TASP1: variants seen among roughly 807,000 people sequenced by gnomAD.
TASP1 encodes the protein threonine aspartase 1.
TASP1 carries 16 observed loss-of-function variants against 56.6 expected under a neutral mutation model. That is an observed-to-expected ratio of 0.28 (90% confidence interval 0.19 to 0.43). The LOEUF (loss-of-function observed/expected upper bound fraction) is 0.43. Ranked by LOEUF, TASP1 falls within the 20% of genes least tolerant of loss-of-function variation. The pLI is 1.00. For missense variants in TASP1, 393 were observed against 511.6 expected (o/e 0.77, Z 2.24); for synonymous variants, 179 against 184.2 (o/e 0.97, Z 0.23).
At chr20:13,293,621 G>C in the TASP1 span, among the ~76,000 whole-genome samples, 7 of 152,008 alleles carry the variant, frequency 4.6e-5, no homozygotes, top group East Asian at 5.8e-4. Context: ...AACAAGTCTC[G>C]AATAAAAGGA....
the TASP1 span, among the ~76,000 whole-genome samples, chr20:13,347,632 A>G: frequency 6.6e-6 from 1 of 152,210 alleles, no homozygotes; most frequent in African/African-American, 2.4e-5. Context: ...TGAGGTCAGG[A>G]GTTCGAGACC....
At chr20:13,479,887 G>GT (rs2043077702) in intron 11 of TASP1, among the ~76,000 whole-genome samples, 2 of 152,112 alleles carry the variant, frequency 1.3e-5, no homozygotes, top group South Asian at 4.1e-4. Flanking sequence ...GAAACCATCC[G>GT]TATTTGCCCC....
At chr20:13,210,606 C>G in the TASP1 span, among the ~76,000 whole-genome samples, 1 of 140,090 alleles carries the variant, frequency 7.1e-6, no homozygotes, top group Non-Finnish European at 1.5e-5. Flanking sequence ...TGTGTGTTTA[C>G]ATGTGCACAC....
chr20:13,493,179 C>T (rs2043599909), intron 10 of TASP1, among the ~76,000 whole-genome samples: 1 of 152,116 alleles, frequency 6.6e-6, no homozygotes, highest in South Asian at 2.1e-4. Context: ...AACAAAAAAA[C>T]CTTCAACAAA....
the TASP1 span, among the ~76,000 whole-genome samples, chr20:13,308,112 A>T: frequency 6.6e-6 from 1 of 152,124 alleles, no homozygotes; most frequent in Non-Finnish European, 1.5e-5. Context: ...CCACTCTGTG[A>T]TCTCTTAATT....
chr20:13,329,144 A>G, the TASP1 span, among the ~76,000 whole-genome samples: 4 of 152,160 alleles, frequency 2.6e-5, no homozygotes, highest in Non-Finnish European at 5.9e-5. Flanking sequence ...GCTATTGTTA[A>G]TAATTGAGAT....
In TASP1 at chr20:13,522,599, C is replaced by T. The variant is rs921292622; in HGVS notation, c.874+5834G>A. On this transcript the variant is annotated intron_variant, in intron 10 of 13. Coordinates refer to ENST00000337743, the MANE Select transcript of TASP1 (RefSeq NM_017714.3). Reference sequence around the variant, plus strand: ...TTAGGGTTAGGCAAGAGCTCATATTCGGACATGCTAAATAGATGTCTGTTA... The same window carrying T: ...TTAGGGTTAGGCAAGAGCTCATATTTGGACATGCTAAATAGATGTCTGTTA... 3.6e-4 allele frequency among the ~76,000 whole-genome samples: 55 copies of T among 152,096 alleles called. 2 individuals carry two copies. The highest frequency in any genetic ancestry group is 1.0e-4 in the Non-Finnish European group (7 of 68,014).
the TASP1 span, among the ~76,000 whole-genome samples, chr20:13,316,110 A>G: frequency 1.3e-5 from 2 of 151,992 alleles, no homozygotes; most frequent in East Asian, 1.9e-4. Context: ...GAAAGAGTGG[A>G]TATCACTACA....
intron 11 of TASP1, among the ~76,000 whole-genome samples, chr20:13,482,019 C>T (rs2043156861): frequency 6.6e-6 from 1 of 152,082 alleles, no homozygotes; most frequent in Non-Finnish European, 1.5e-5. Context: ...AGATTTTCCC[C>T]AGTGCTTTCT....
intron 4 of TASP1, among the ~76,000 whole-genome samples, chr20:13,620,772 C>T (rs1478117391): frequency 1.3e-5 from 2 of 152,194 alleles, no homozygotes; most frequent in Admixed American, 6.5e-5. Flanking sequence ...TTTTTCTCAG[C>T]ACTTTTCAGT....
chr20:13,165,154 T>G, the TASP1 span: 1 of 310,702 alleles, frequency 3.2e-6, no homozygotes, highest in East Asian at 6.3e-5. Context: ...AATAAGCCTG[T>G]GTTTTAGCTG....
the TASP1 span, among the ~76,000 whole-genome samples, chr20:13,180,633 A>C: frequency 6.6e-6 from 1 of 152,172 alleles, no homozygotes; most frequent in Non-Finnish European, 1.5e-5. Flanking sequence ...AAAGATGAGG[A>C]AGTAGACTAA....
chr20:13,170,095 T>A, the TASP1 span, among the ~76,000 whole-genome samples: 1 of 152,188 alleles, frequency 6.6e-6, no homozygotes, highest in East Asian at 1.9e-4. Flanking sequence ...AATAAAGCAA[T>A]CATTTTTAGA....
At chr20:13,368,960 T>C in the TASP1 span, among the ~76,000 whole-genome samples, 74,021 of 152,060 alleles carry the variant, frequency 0.49, 19,706 homozygotes, top group Non-Finnish European at 0.6. Flanking sequence ...TACTACAATT[T>C]TTAAAATTTT....
the TASP1 span, among the ~76,000 whole-genome samples, chr20:13,149,168 T>C: frequency 6.6e-6 from 1 of 152,220 alleles, no homozygotes; most frequent in East Asian, 1.9e-4. Context: ...TTTCATTCAC[T>C]TATTTATGTG....
At chr20:13,262,497 C>A in the TASP1 span, among the ~76,000 whole-genome samples, 2 of 147,848 alleles carry the variant, frequency 1.4e-5, no homozygotes, top group Non-Finnish European at 3.0e-5. Flanking sequence ...ACTTTCCACT[C>A]GTGTACTCTG....
the TASP1 span, among the ~76,000 whole-genome samples, chr20:13,378,798 T>C: frequency 2.4e-3 from 370 of 152,350 alleles, 1 homozygote; most frequent in African/African-American, 8.7e-3. Flanking sequence ...TAGCTCTTCT[T>C]GTTGCATTGA....
At position 13,453,174 on chromosome 20, in the gene TASP1, T is replaced by C. The variant is rs534139407; in HGVS notation, c.986-18020A>G. Reference sequence around the variant, plus strand: ...GAAACAACATGAAAAGAAAATCAAATGGACTAAAATGGAAACATCAGAGAG... The same window carrying C: ...GAAACAACATGAAAAGAAAATCAAACGGACTAAAATGGAAACATCAGAGAG... On this transcript the variant is annotated intron_variant, in intron 11 of 13. Coordinates refer to ENST00000337743, the MANE Select transcript of TASP1 (RefSeq NM_017714.3). 1.1e-4 allele frequency among the ~76,000 whole-genome samples: 16 copies of C among 151,810 alleles called. No individual in the cohort carries two copies. The South Asian group carries it at 3.1e-3, about 30-fold the overall frequency.
the TASP1 span, among the ~76,000 whole-genome samples, chr20:13,350,524 A>T: frequency 2.8e-4 from 42 of 152,208 alleles, no homozygotes; most frequent in Non-Finnish European, 4.9e-4. Context: ...AACCATCACA[A>T]TTTAAAACTT....
Sources: allele counts gnomAD v4.1 joint callset (sites outside exome capture counted in the v4.1 genomes callset), GRCh38; gene constraint gnomAD v4.1.1; transcripts MANE v1.5; gene names NCBI Gene and HGNC (gene_info 2026-07-23, HGNC 2026-07-21).